CCDC178: variants seen among roughly 807,000 people sequenced by gnomAD.
The protein encoded by CCDC178 is coiled-coil domain-containing protein 178.
In CCDC178, 126 loss-of-function variants were observed where a neutral mutation model predicts 117.4. The observed-to-expected ratio is 1.07, with a 90% CI of 0.93 to 1.24. The LOEUF (loss-of-function observed/expected upper bound fraction) is 1.24, where lower values mean the gene tolerates loss of function less well. Among genes scored for constraint, CCDC178 ranks in the 50% most tolerant of loss-of-function variants. CCDC178 has a pLI of 0.00. For missense variants in CCDC178, 1,030 were observed against 986.9 expected (o/e 1.04, Z -0.59); for synonymous variants, 283 against 313.4 (o/e 0.90, Z 1.02).
chr18:33,342,532 T>C (rs946529331), intron 9 of CCDC178, among the ~76,000 whole-genome samples: 4 of 152,192 alleles, frequency 2.6e-5, no homozygotes, highest in African/African-American at 9.7e-5. Flanking sequence ...AGTGAAGGTA[T>C]GCCAGTTCCA....
At chr18:33,179,121 T>A in intron 20 of CCDC178, among the ~76,000 whole-genome samples, 4 of 100,592 alleles carry the variant, frequency 4.0e-5, no homozygotes, top group Non-Finnish European at 8.8e-5. Flanking sequence ...ACTATATATA[T>A]ATATATAAAC....
chr18:33,315,531 T>G (rs1177004402), intron 11 of CCDC178, among the ~76,000 whole-genome samples: 2 of 152,148 alleles, frequency 1.3e-5, no homozygotes, highest in Non-Finnish European at 2.9e-5. Context: ...CTGATCTCTT[T>G]TATGTATAAG....
At chr18:33,420,246 A>G (rs12960871) in intron 2 of CCDC178, among the ~76,000 whole-genome samples, 99,317 of 152,050 alleles carry the variant, frequency 0.65, 32,770 homozygotes, top group South Asian at 0.81. Flanking sequence ...ACACATGGAC[A>G]CAAAGAAGGG....
At chr18:33,419,455 A>C (rs2063993212) in intron 2 of CCDC178, among the ~76,000 whole-genome samples, 1 of 152,182 alleles carries the variant, frequency 6.6e-6, no homozygotes, top group Non-Finnish European at 1.5e-5. Flanking sequence ...AACTAAAGAG[A>C]TTCTGCATAG....
intron 2 of CCDC178, among the ~76,000 whole-genome samples, chr18:33,434,220 T>G (rs1344422475): frequency 6.6e-6 from 1 of 151,982 alleles, no homozygotes; most frequent in Non-Finnish European, 1.5e-5. Flanking sequence ...CACTAAGAAA[T>G]CTGTGTTTAG....
At chr18:32,941,029 A>G (rs1271214305) in intron 22 of CCDC178, among the ~76,000 whole-genome samples, 1 of 151,950 alleles carries the variant, frequency 6.6e-6, no homozygotes, top group Non-Finnish European at 1.5e-5. Flanking sequence ...TGAAAGGACA[A>G]TGGGGCACAT....
intron 12 of CCDC178, among the ~76,000 whole-genome samples, chr18:33,292,003 A>C (rs928821494): frequency 2.1e-5 from 3 of 144,450 alleles, no homozygotes; most frequent in African/African-American, 7.5e-5. Flanking sequence ...TGGAGATCAC[A>C]GCAGTATGGA....
In CCDC178 at chr18:33,333,044, G is replaced by C. The variant is rs2062690223; in HGVS notation, c.879+130C>G. On this transcript the variant is annotated intron_variant, in intron 10 of 22. Transcript: ENST00000383096. ...GAATACCAACAGTTGGTAATGTGTA[G>C]AGATAAAGAGCAGGTCAATTTTAAG... The C allele has an allele frequency of 5.5e-6, 3 of 543,528 alleles. No homozygotes were observed. The African/African-American group carries it at 5.9e-5, about 11-fold the overall frequency. 33.7% of individuals were successfully genotyped at this position (543,528 alleles called of 1,614,324 possible). A position where few individuals can be genotyped will look rare whatever the true frequency, so the allele number is the denominator to read the frequency against.
chr18:32,980,428 G>A (rs1397396249), intron 21 of CCDC178, among the ~76,000 whole-genome samples: 7 of 151,832 alleles, frequency 4.6e-5, no homozygotes, highest in Non-Finnish European at 8.8e-5. Flanking sequence ...AAAATTAGCC[G>A]GGCGCAGTGG....
At chr18:33,120,500 A>G (rs1052000171) in intron 20 of CCDC178, among the ~76,000 whole-genome samples, 5 of 152,254 alleles carry the variant, frequency 3.3e-5, no homozygotes, top group Admixed American at 6.5e-5. Flanking sequence ...TTAAGGAAAG[A>G]CTGTTAATGG....
At chr18:33,011,359 C>G (rs2144798596) in intron 21 of CCDC178, among the ~76,000 whole-genome samples, 1 of 152,144 alleles carries the variant, frequency 6.6e-6, no homozygotes, top group African/African-American at 2.4e-5. Flanking sequence ...TAAAGCAAAG[C>G]CACAGTAGCT....
chr18:33,403,702 C>A (rs1282667444), intron 3 of CCDC178, among the ~76,000 whole-genome samples: 1 of 152,026 alleles, frequency 6.6e-6, no homozygotes, highest in South Asian at 2.1e-4. Context: ...AAACTGACAC[C>A]CCAAAAACTG....
chr18:33,306,976 T>A (rs2062264353), intron 11 of CCDC178, among the ~76,000 whole-genome samples: 1 of 152,176 alleles, frequency 6.6e-6, no homozygotes, highest in African/African-American at 2.4e-5. Flanking sequence ...CCTTCCACTA[T>A]GATTGTAAGT....
At chr18:33,251,427 G>A (rs1240458304) in intron 14 of CCDC178, among the ~76,000 whole-genome samples, 2 of 151,674 alleles carry the variant, frequency 1.3e-5, no homozygotes, top group Non-Finnish European at 3.0e-5. Flanking sequence ...AAGTGGAATT[G>A]TCTAGAAATT....
chr18:33,350,607 A>C (rs1279679182), intron 7 of CCDC178, among the ~76,000 whole-genome samples: 1 of 152,108 alleles, frequency 6.6e-6, no homozygotes, highest in East Asian at 1.9e-4. Context: ...GAAGAATTTT[A>C]TTTCTTTTAA....
chr18:32,943,542 T>A (rs547183004), intron 22 of CCDC178, among the ~76,000 whole-genome samples: 1 of 152,308 alleles, frequency 6.6e-6, no homozygotes, highest in South Asian at 2.1e-4. Context: ...ATTTTTTCTA[T>A]TTCTAGACTT....
chr18:33,349,952 T>C (rs1246213049), intron 7 of CCDC178, among the ~76,000 whole-genome samples: 1 of 151,968 alleles, frequency 6.6e-6, no homozygotes, highest in Non-Finnish European at 1.5e-5. Context: ...GGCTACAAAT[T>C]ATTTTTCTTG....
chr18:33,262,033 G>C (rs915193955), intron 14 of CCDC178, among the ~76,000 whole-genome samples: 3 of 151,952 alleles, frequency 2.0e-5, no homozygotes, highest in African/African-American at 7.3e-5. Context: ...CCAAACTATG[G>C]GTTAGTAGAT....
At chr18:33,009,604 A>C (rs1346539949) in intron 21 of CCDC178, among the ~76,000 whole-genome samples, 1 of 152,130 alleles carries the variant, frequency 6.6e-6, no homozygotes, top group East Asian at 1.9e-4. Flanking sequence ...TCCTATCTAG[A>C]ATTCCATCCC....
Sources: gnomAD v4.1 joint callset for allele counts (sites outside exome capture counted in the v4.1 genomes callset) on GRCh38, gnomAD v4.1.1 for gene constraint, MANE v1.5 for transcripts, NCBI Gene and HGNC (gene_info 2026-07-23, HGNC 2026-07-21) for gene names.